The following SLC8A3 variants were observed in gnomAD, a reference collection of about 807,000 sequenced individuals.
SLC8A3 encodes the protein sodium/calcium exchanger 3.
SLC8A3 carries 37 observed loss-of-function variants against 65.4 expected under a neutral mutation model. The observed-to-expected ratio is 0.57, with a 90% CI of 0.44 to 0.74. The LOEUF (loss-of-function observed/expected upper bound fraction) is 0.74. Ranked by LOEUF, SLC8A3 falls within the 30% of genes least tolerant of loss-of-function variation. The pLI, the probability that SLC8A3 is intolerant of heterozygous loss-of-function variation, is 0.00. For synonymous variants in SLC8A3, 461 were observed against 444.5 expected (o/e 1.04, Z -0.47); for missense variants, 1,112 against 1,172.1 (o/e 0.95, Z 0.75).
rs1259666850 is a variant in SLC8A3, at chr14:70,048,569, A to G, written c.2389+198T>C. 4.4e-6 allele frequency: 3 copies of G among 680,046 alleles called. No individual in the cohort carries two copies. In the Admixed American group the frequency reaches 6.1e-5, roughly 14 times the overall value. 42.1% of individuals were successfully genotyped at this position (680,046 alleles called of 1,614,324 possible). ...GCTGAACACACATGGTGTCTGTCAC[A>G]TTGAAAGTGCTCAAGAAATATTAGC... On this transcript the variant is annotated intron_variant, in intron 6 of 6. Transcript: ENST00000356921.
intron 2 of SLC8A3, among the ~76,000 whole-genome samples, chr14:70,067,168 T>C (rs148733591): frequency 6.6e-6 from 1 of 151,532 alleles, no homozygotes; most frequent in East Asian, 2.0e-4. Context: ...CCCCTTGCTA[T>C]CCCCTCTGCC....
rs752285876 is a variant in SLC8A3, at chr14:70,060,845, C to G, written c.1879G>C (p.Gly627Arg). The stretch of plus-strand genomic sequence containing the variant: ...TTAAAGAATCTCACACCTGATATTC[C>G]ACGTTCCATCCATTTCGGTTCACCA... ...ALGEPKWMER[G>R]ISDVTDRKLT... is the part of the protein sequence containing the mutation. Residue 627 changes from glycine to arginine, a missense_variant, in exon 3 of 7, where the codon GGA becomes CGA. By Grantham distance (125) the Gly-to-Arg change is moderately radical. Coordinates refer to ENST00000356921, the MANE Select transcript of SLC8A3 (RefSeq NM_182932.3). 4.1e-6 allele frequency: 6 copies of G among 1,472,694 alleles called. No individual in the cohort carries two copies. Among genetic ancestry groups the G allele is most frequent in the Non-Finnish European group, 5.6e-6 (6 of 1,074,828 alleles). The allele number at this position is 1,472,694 out of a possible 1,614,324, so 91.2% of individuals were successfully genotyped here. A position where few individuals can be genotyped will look rare whatever the true frequency, so the allele number is the denominator to read the frequency against.
intron 2 of SLC8A3, among the ~76,000 whole-genome samples, chr14:70,068,682 C>T (rs1399918005): frequency 2.0e-5 from 3 of 151,992 alleles, no homozygotes; most frequent in East Asian, 3.9e-4. Context: ...CCATGTCAGG[C>T]CTCTTATTTC....
At chr14:70,051,212 C>A in intron 4 of SLC8A3, 105 bp from the exon 5 acceptor site, 1 of 751,150 alleles carries the variant, frequency 1.3e-6, no homozygotes, top group Non-Finnish European at 2.3e-6. Flanking sequence ...CCAAGGTGTT[C>A]TGACAGTTAC....
intron 2 of SLC8A3, among the ~76,000 whole-genome samples, chr14:70,149,919 C>A (rs767879198): frequency 4.6e-5 from 7 of 152,176 alleles, no homozygotes; most frequent in Admixed American, 2.0e-4. Context: ...TTGGGAGCAG[C>A]CTGTCATGTT....
chr14:70,106,995 G>A (rs1892919153), intron 2 of SLC8A3, among the ~76,000 whole-genome samples: 1 of 152,110 alleles, frequency 6.6e-6, no homozygotes, highest in Non-Finnish European at 1.5e-5. Flanking sequence ...AAGTGCAAAA[G>A]CACCAGTCTG....
chr14:70,055,081 T>C (rs905437532), intron 3 of SLC8A3, among the ~76,000 whole-genome samples: 3 of 152,256 alleles, frequency 2.0e-5, no homozygotes. Flanking sequence ...CATGCAAGCA[T>C]ACTCTCAAAG....
At chr14:70,063,717 C>T in intron 2 of SLC8A3, 1 of 675,996 alleles carries the variant, frequency 1.5e-6, no homozygotes, top group Non-Finnish European at 2.7e-6. Flanking sequence ...GAAAGGGAAC[C>T]AGAGAGGTGG....
At chr14:70,083,245 A>G (rs904316461) in intron 2 of SLC8A3, among the ~76,000 whole-genome samples, 4 of 152,190 alleles carry the variant, frequency 2.6e-5, no homozygotes, top group African/African-American at 9.6e-5. Flanking sequence ...GAGATTTATC[A>G]TCTCCGGAGA....
chr14:70,151,523 G>GA (rs11420837), intron 2 of SLC8A3, among the ~76,000 whole-genome samples: 115,188 of 152,134 alleles, frequency 0.76, 44,167 homozygotes, highest in East Asian at 0.99. Context: ...CGTCCTGAGG[G>GA]CAAGTAGCAC....
intron 2 of SLC8A3, among the ~76,000 whole-genome samples, chr14:70,097,288 A>T (rs1297018859): frequency 1.5e-4 from 2 of 13,562 alleles, no homozygotes; most frequent in South Asian, 0.014. Context: ...TTTTCCTTTA[A>T]AAAAAAAAAA....
At chr14:70,082,660 G>T (rs1891137101) in intron 2 of SLC8A3, among the ~76,000 whole-genome samples, 1 of 152,042 alleles carries the variant, frequency 6.6e-6, no homozygotes, top group African/African-American at 2.4e-5. Context: ...CTCTCACCTT[G>T]CCCTGTAAGC....
chr14:70,148,782 G>T (rs1896092160), intron 2 of SLC8A3, among the ~76,000 whole-genome samples: 1 of 152,186 alleles, frequency 6.6e-6, no homozygotes, highest in Non-Finnish European at 1.5e-5. Context: ...GTTAGGCCAG[G>T]GCTGATCAGT....
chr14:70,061,517 CA>C (rs1420802517), intron 2 of SLC8A3, among the ~76,000 whole-genome samples: 2 of 148,984 alleles, frequency 1.3e-5, no homozygotes, highest in African/African-American at 5.0e-5. Flanking sequence ...GAAGGAAAAC[CA>C]GACAGAGGAA....
At chr14:70,048,393 G>A in intron 6 of SLC8A3, 1 of 559,252 alleles carries the variant, frequency 1.8e-6, no homozygotes, top group Non-Finnish European at 3.2e-6. Context: ...CTCACATAAT[G>A]TGGAGGTTAA....
chr14:70,047,306 G>GTT (rs994263355), intron 6 of SLC8A3: 1 of 152,054 alleles, frequency 6.6e-6, no homozygotes. Context: ...CTATGGCCTT[G>GTT]TTTTTTTGTT....
At chr14:70,178,984 A>AC (rs1292110418) in intron 1 of SLC8A3, among the ~76,000 whole-genome samples, 3 of 152,098 alleles carry the variant, frequency 2.0e-5, no homozygotes, top group Non-Finnish European at 2.9e-5. Context: ...CTAGCTTCTA[A>AC]CTTGCTGACC....
At chr14:70,175,128 TAGAC>T (rs1206916822) in intron 1 of SLC8A3, among the ~76,000 whole-genome samples, 1 of 152,170 alleles carries the variant, frequency 6.6e-6, no homozygotes, top group Non-Finnish European at 1.5e-5. Context: ...GAAAGCTTCC[TAGAC>T]AGACCAGGGC....
At chr14:70,160,262 T>C (rs1566819858) in intron 2 of SLC8A3, among the ~76,000 whole-genome samples, 1 of 152,020 alleles carries the variant, frequency 6.6e-6, no homozygotes, top group Non-Finnish European at 1.5e-5. Context: ...CTGGCCAACA[T>C]GGTGAAACTC....
Sources: gnomAD v4.1 joint callset for allele counts (sites outside exome capture counted in the v4.1 genomes callset) on GRCh38, gnomAD v4.1.1 for gene constraint, MANE v1.5 for transcripts, NCBI Gene and HGNC (gene_info 2026-07-23, HGNC 2026-07-21) for gene names.